SHROOM4: variants seen among roughly 807,000 people sequenced by gnomAD.
The protein encoded by SHROOM4 is protein Shroom4.
Under a neutral mutation model 80.3 loss-of-function variants are expected in SHROOM4, and 17 were observed. The ratio of observed to expected loss-of-function variants is 0.21; its 90% CI spans 0.14 to 0.32. SHROOM4 has a LOEUF of 0.32. Ranked by LOEUF, SHROOM4 falls within the 10% of genes least tolerant of loss-of-function variation. SHROOM4 has a pLI of 1.00. For missense variants in SHROOM4, 993 were observed against 1,140.3 expected (o/e 0.87, Z 1.86); for synonymous variants, 400 against 437.5 (o/e 0.91, Z 1.07).
At chrX:50,760,332 C>CTTTTTTT (rs59845169) in intron 1 of SHROOM4, among the ~76,000 whole-genome samples, 1 of 89,569 alleles carries the variant, frequency 1.1e-5, no homozygotes, top group African/African-American at 3.9e-5. Context: ...TCTCTAGTAA[C>CTTTTTTT]TTTTTTTTTT....
chrX:50,639,761 A>G (rs1347457828), intron 2 of SHROOM4, among the ~76,000 whole-genome samples: 1 of 111,704 alleles, frequency 9.0e-6, no homozygotes, highest in Non-Finnish European at 1.9e-5. Context: ...ACAAGGCTCT[A>G]GAGGGCTAAG....
At chrX:50,765,458 C>A (rs1935253816) in intron 1 of SHROOM4, among the ~76,000 whole-genome samples, 1 of 111,756 alleles carries the variant, frequency 8.9e-6, no homozygotes, top group African/African-American at 3.3e-5. Context: ...CCAGACATTT[C>A]ATTTTAGTCA....
chrX:50,635,234 C>T lies in SHROOM4; in HGVS notation c.839G>A (p.Arg280Gln), dbSNP rs146093347. ...VRGPPQPPVR[R>Q]DSLQASRAQL... ...GGCTCTGGAGGCCTGAAGGCTGTCC[C>T]GCCTCACTGGAGGTTGTGGTGGGCC... is the stretch of plus-strand genomic sequence containing the variant. Residue 280 changes from arginine to glutamine, a missense_variant, in exon 4 of 9, where the codon CGG becomes CAG. Physicochemically the swap from Arg to Gln is conservative, Grantham distance 43. Transcript: ENST00000376020. 4.4e-4 allele frequency: 534 copies of T among 1,201,774 alleles called. 3 individuals are homozygous for T. In the African/African-American group the frequency reaches 8.5e-3, roughly 19 times the overall value.
At chrX:50,732,246 C>T (rs1176469887) in intron 1 of SHROOM4, among the ~76,000 whole-genome samples, 2 of 111,377 alleles carry the variant, frequency 1.8e-5, no homozygotes, top group African/African-American at 6.5e-5. Context: ...TGAGGGGCAA[C>T]ATCAAAGATT....
At chrX:50,618,408 C>A (rs1172576867) in intron 5 of SHROOM4, among the ~76,000 whole-genome samples, 1 of 84,177 alleles carries the variant, frequency 1.2e-5, no homozygotes, top group East Asian at 4.2e-4. Flanking sequence ...TCCTTCCTTC[C>A]TTCCTTCCTT....
intron 1 of SHROOM4, among the ~76,000 whole-genome samples, chrX:50,735,168 T>C (rs185586215): frequency 7.2e-4 from 80 of 111,741 alleles, no homozygotes; most frequent in Admixed American, 1.5e-3. Flanking sequence ...AGTTCAGAAA[T>C]AGACCGATAA....
chrX:50,761,102 C>T (rs1365288623), intron 1 of SHROOM4, among the ~76,000 whole-genome samples: 1 of 111,186 alleles, frequency 9.0e-6, no homozygotes, highest in East Asian at 2.8e-4. Flanking sequence ...AAACTCATGC[C>T]ATGGGGGTTT....
chrX:50,581,845 A>G (rs185946366), downstream of SHROOM4, among the ~76,000 whole-genome samples: 33 of 111,231 alleles, frequency 3.0e-4, no homozygotes, highest in African/African-American at 9.5e-4. Flanking sequence ...TAATTTCACA[A>G]TTTCTCCCAC....
chrX:50,648,281 A>T (rs1482978954), intron 2 of SHROOM4, among the ~76,000 whole-genome samples: 1 of 111,875 alleles, frequency 8.9e-6, no homozygotes, highest in Non-Finnish European at 1.9e-5. Flanking sequence ...GGAAAAAAGA[A>T]TGAGCTATGA....
chrX:50,689,146 C>G (rs1158184772), intron 2 of SHROOM4, among the ~76,000 whole-genome samples: 1 of 111,633 alleles, frequency 9.0e-6, no homozygotes, highest in African/African-American at 3.3e-5. Flanking sequence ...TTACTGTGAT[C>G]TGATCACTAT....
chrX:50,748,335 A>G (rs1557267806), intron 1 of SHROOM4, among the ~76,000 whole-genome samples: 3 of 111,151 alleles, frequency 2.7e-5, no homozygotes, highest in African/African-American at 9.8e-5. Flanking sequence ...TGTTGGAAAA[A>G]CTGAATGTAG....
intron 1 of SHROOM4, among the ~76,000 whole-genome samples, chrX:50,759,744 A>C (rs1436894024): frequency 9.0e-6 from 1 of 111,078 alleles, no homozygotes; most frequent in Non-Finnish European, 1.9e-5. Context: ...GCAGTCTGTA[A>C]GTTTTGATGT....
intron 1 of SHROOM4, among the ~76,000 whole-genome samples, chrX:50,744,982 C>A (rs913000523): frequency 8.9e-6 from 1 of 111,842 alleles, no homozygotes; most frequent in Non-Finnish European, 1.9e-5. Context: ...GCCAATGTAT[C>A]TTTGTATGGA....
At chrX:50,612,146 T>TA (rs1449618629) in intron 5 of SHROOM4, among the ~76,000 whole-genome samples, 1 of 102,640 alleles carries the variant, frequency 9.7e-6, no homozygotes, top group Non-Finnish European at 2.0e-5. Flanking sequence ...GAAAAGAAAA[T>TA]AAAAAACAAT....
intron 2 of SHROOM4, among the ~76,000 whole-genome samples, chrX:50,667,828 G>T (rs1323139824): frequency 8.9e-6 from 1 of 111,784 alleles, no homozygotes; most frequent in Non-Finnish European, 1.9e-5. Context: ...CAGATTTGGA[G>T]CTGAGAAGCA....
rs1045517400 is a variant in SHROOM4 at position 50,633,039 on chromosome X, G to T, written c.2895+139C>A. The T allele has an allele frequency of 6.3e-6, 4 of 638,502 alleles. No individual in the cohort carries two copies. The African/African-American group carries it at 9.1e-5, about 14-fold the overall frequency. The allele number at this position is 638,502 out of a possible 1,213,427, so 52.6% of individuals were successfully genotyped here. A position where few individuals can be genotyped will look rare whatever the true frequency, so the allele number is the denominator to read the frequency against. On this transcript the variant is annotated intron_variant, in intron 4 of 8. Coordinates refer to ENST00000376020, the MANE Select transcript of SHROOM4 (RefSeq NM_020717.5). ...TTGGTGGCTGAGTATCTTTTTCAAG[G>T]TTACTAAGCTAACAACTACTGAAGC...
At position 50,745,981 on chromosome X, in the gene SHROOM4, C is replaced by T. The variant is rs781863490; in HGVS notation, c.118-50044G>A. Among the ~76,000 whole-genome samples the T allele has an allele frequency of 1.3e-4, 14 of 111,684 alleles. No homozygotes were observed. The South Asian group carries it at 1.9e-3, about 15-fold the overall frequency. On this transcript the variant is annotated intron_variant, in intron 1 of 8. Transcript: ENST00000376020. ...TGGTGAGAGGGTTTGTTGAGCTCTT[C>T]ACACTAGAAGTTGGTCTGTCACAAT...
chrX:50,707,709 G>GT lies in SHROOM4; in HGVS notation c.118-11773dup, dbSNP rs200612381. On this transcript the variant is annotated intron_variant, in intron 1 of 8. Coordinates refer to ENST00000376020, the MANE Select transcript of SHROOM4 (RefSeq NM_020717.5). The stretch of plus-strand genomic sequence containing the variant: ...TGACACTCTCATACAAATGCCAAAG[G>GT]TTTTTTTTTTCTCCGTCTCTTTTTC... Among the ~76,000 whole-genome samples the GT allele has an allele frequency of 4.6e-4, 48 of 103,799 alleles. No individual in the cohort carries two copies. In the East Asian group the frequency reaches 8.4e-3, roughly 18 times the overall value. 90.1% of individuals were successfully genotyped at this position (103,799 alleles called of 115,157 possible).
chrX:50,693,588 T>C (rs1448807590), intron 2 of SHROOM4, among the ~76,000 whole-genome samples: 1 of 94,173 alleles, frequency 1.1e-5, no homozygotes, highest in Non-Finnish European at 2.0e-5. Flanking sequence ...AGTAAGAGCT[T>C]TTTTTTTTTT....
Sources: gnomAD v4.1 joint callset for allele counts (sites outside exome capture counted in the v4.1 genomes callset) on GRCh38, gnomAD v4.1.1 for gene constraint, MANE v1.5 for transcripts, NCBI Gene and HGNC (gene_info 2026-07-23, HGNC 2026-07-21) for gene names.